MTMR3: variants seen among roughly 807,000 people sequenced by gnomAD.
The protein encoded by MTMR3 is phosphatidylinositol-3,5-bisphosphate 3-phosphatase MTMR3.
MTMR3 carries 32 observed loss-of-function variants against 132.4 expected under a neutral mutation model. The ratio of observed to expected loss-of-function variants is 0.24; its 90% CI spans 0.18 to 0.32. The LOEUF (loss-of-function observed/expected upper bound fraction) is 0.32, where lower values mean the gene tolerates loss of function less well. Ranked by LOEUF, MTMR3 falls within the 10% of genes least tolerant of loss-of-function variation. The pLI is 1.00. For synonymous variants in MTMR3, 556 were observed against 550.3 expected (o/e 1.01, Z -0.14); for missense variants, 1,216 against 1,489.6 (o/e 0.82, Z 3.02).
rs35625964 is a variant in MTMR3 at position 29,903,390 on chromosome 22, C to CTTT, written c.-138+20047_-138+20049dup. ...TGATTTTCTTTTTTTCTTTTTCTTT[C>CTTT]TTTTTTTTTTTTTTTTTTGAGACAG... On this transcript the variant is annotated intron_variant, in intron 1 of 19. Coordinates refer to ENST00000401950, the MANE Select transcript of MTMR3 (RefSeq NM_021090.4). 2.0e-3 allele frequency among the ~76,000 whole-genome samples: 245 copies of CTTT among 119,680 alleles called. 5 individuals are homozygous for CTTT. Among genetic ancestry groups the CTTT allele is most frequent in the African/African-American group, 5.9e-3 (189 of 31,864 alleles). The allele number at this position is 119,680 out of a possible 152,430, so 78.5% of individuals were successfully genotyped here.
chr22:29,970,324 T>C (rs1288738569), intron 2 of MTMR3, among the ~76,000 whole-genome samples: 1 of 152,064 alleles, frequency 6.6e-6, no homozygotes, highest in Non-Finnish European at 1.5e-5. Flanking sequence ...TGATTTTGCA[T>C]TTGCAGGTTG....
intron 2 of MTMR3, 32 bp from the exon 3 acceptor site, chr22:29,970,944 T>C: frequency 1.3e-6 from 1 of 782,738 alleles, no homozygotes; most frequent in Non-Finnish European, 1.9e-6. Flanking sequence ...TCTTTTTTTT[T>C]TCTTCTTCCC....
At chr22:29,985,975 G>A (rs1043809788) in intron 5 of MTMR3, 9 of 149,024 alleles carry the variant, frequency 6.0e-5, no homozygotes, top group African/African-American at 2.3e-4. Flanking sequence ...AGTAGCAAAG[G>A]CTAATCCATT....
intron 4 of MTMR3, 136 bp downstream of exon 4, chr22:29,978,667 A>C: frequency 1.4e-6 from 1 of 690,858 alleles, no homozygotes; most frequent in Non-Finnish European, 2.4e-6. Context: ...GCTGGAAAAC[A>C]TCTCATTTTA....
intron 1 of MTMR3, among the ~76,000 whole-genome samples, chr22:29,950,241 T>G (rs151329914): frequency 6.6e-6 from 1 of 152,376 alleles, no homozygotes; most frequent in Non-Finnish European, 1.5e-5. Flanking sequence ...TTCTAATGCT[T>G]GAATGTCTGG....
chr22:29,896,869 T>TCTCACACACACACACACACA (rs145703649), intron 1 of MTMR3, among the ~76,000 whole-genome samples: 25 of 138,220 alleles, frequency 1.8e-4, no homozygotes, highest in East Asian at 8.6e-4. Flanking sequence ...CAGGCTTGTC[T>TCTCACACACACACACACACA]CACACACACA....
chr22:29,995,173 T>G (rs1260256228), intron 7 of MTMR3: 6 of 152,316 alleles, frequency 3.9e-5, no homozygotes, highest in African/African-American at 1.4e-4. Flanking sequence ...ACTCTGGGTC[T>G]TAACACTGCT....
In MTMR3 at chr22:29,993,298, T is replaced by G. The variant is rs1234301108; in HGVS notation, c.460+1628T>G. ...GAAATGCCATCACATTTTAAATACA[T>G]TTTTTCATTTTTTATGGCTCTTTTC... On this transcript the variant is annotated intron_variant, in intron 7 of 19. Transcript: ENST00000401950. 3 of 152,226 alleles carry G rather than the reference T, an allele frequency of 2.0e-5. No homozygotes were observed. The East Asian group carries it at 5.8e-4, about 29-fold the overall frequency. 9.4% of individuals were successfully genotyped at this position (152,226 alleles called of 1,614,324 possible).
chr22:29,970,411 A>T (rs538180489), intron 2 of MTMR3, among the ~76,000 whole-genome samples: 58 of 151,438 alleles, frequency 3.8e-4, no homozygotes, highest in African/African-American at 1.4e-3. Flanking sequence ...ACAGCATACT[A>T]CAGCCCCAAC....
chr22:29,987,848 G>C (rs1034337981), intron 5 of MTMR3: 1 of 152,184 alleles, frequency 6.6e-6, no homozygotes, highest in Non-Finnish European at 1.5e-5. Flanking sequence ...TATAGCTTTA[G>C]CATCCTTGAT....
At chr22:29,915,751 A>T (rs963693864) in intron 1 of MTMR3, among the ~76,000 whole-genome samples, 4 of 152,152 alleles carry the variant, frequency 2.6e-5, no homozygotes, top group African/African-American at 9.6e-5. Context: ...TGTTGTTATT[A>T]AATGATGGGT....
chr22:29,908,935 C>T (rs1225327590), intron 1 of MTMR3, among the ~76,000 whole-genome samples: 3 of 150,612 alleles, frequency 2.0e-5, no homozygotes, highest in Non-Finnish European at 4.4e-5. Context: ...GTTAAGAGTG[C>T]TTTTATTTAT....
At position 30,020,434 on chromosome 22, in the gene MTMR3, G is replaced by A. The variant is rs1430792414; in HGVS notation, c.2775G>A (p.Gly925=). The stretch of plus-strand genomic sequence containing the variant: ...TGCCTTTAGCCGAATGTAAAGAGGG[G>A]CTTGTGTGCAATGGTGCCCCAGAGA... ...CALPLAECKE[G]LVCNGAPETE... The change falls in exon 17 of 20, where the codon GGG becomes GGA. Residue 925 remains glycine, a synonymous_variant. Transcript: ENST00000401950. The A allele has an allele frequency of 6.2e-7, 1 of 1,614,198 alleles. No individual in the cohort carries two copies. The highest frequency in any genetic ancestry group is 1.7e-5 in the Admixed American group (1 of 60,018).
At chr22:30,003,987 G>A (rs1393464017) in intron 9 of MTMR3, 1 of 152,166 alleles carries the variant, frequency 6.6e-6, no homozygotes, top group Non-Finnish European at 1.5e-5. Flanking sequence ...GAGATTGTAG[G>A]AAGGGATTTG....
Position 29,982,937 on chromosome 22 carries a change from T to TTTTTTTTTTTTTTGTG in MTMR3, c.210+3886_210+3887insTTTTTTTTTTTTGTGT, listed in dbSNP as rs752531735. On this transcript the variant is annotated intron_variant, in intron 5 of 19. Transcript: ENST00000401950. ...AATTCATGAACGTTTAAAAGTTTGT[T>TTTTTTTTTTTTTTGTG]TGTGTGTGTGTGTGTGTGTGTGTGT... is the stretch of plus-strand genomic sequence containing the variant. 240 of 146,364 alleles carry TTTTTTTTTTTTTTGTG rather than the reference T, an allele frequency of 1.6e-3. 1 individual carries two copies. Among genetic ancestry groups the TTTTTTTTTTTTTTGTG allele is most frequent in the African/African-American group, 5.7e-3 (224 of 39,066 alleles). The allele number at this position is 146,364 out of a possible 1,614,324, so 9.1% of individuals were successfully genotyped here. A position where few individuals can be genotyped will look rare whatever the true frequency, so the allele number is the denominator to read the frequency against.
chr22:29,914,608 A>AT (rs984084431), intron 1 of MTMR3, among the ~76,000 whole-genome samples: 12 of 148,964 alleles, frequency 8.1e-5, no homozygotes, highest in Non-Finnish European at 1.2e-4. Context: ...GTAGTCAGTT[A>AT]TTTTTTTTTT....
At chr22:30,012,969 A>G (rs1012599737) in intron 13 of MTMR3, 10 of 192,524 alleles carry the variant, frequency 5.2e-5, no homozygotes, top group African/African-American at 2.3e-4. Context: ...GTACCCTAAA[A>G]TATATGCAAG....
At position 30,025,949 on chromosome 22, in the gene MTMR3, T is replaced by C; in HGVS notation, c.*148T>C. The C allele has an allele frequency of 2.8e-6, 2 of 708,890 alleles. No homozygotes were observed. Among genetic ancestry groups the C allele is most frequent in the Non-Finnish European group, 4.6e-6 (2 of 436,210 alleles). The allele number at this position is 708,890 out of a possible 1,614,324, so 43.9% of individuals were successfully genotyped here. A position where few individuals can be genotyped will look rare whatever the true frequency, so the allele number is the denominator to read the frequency against. On this transcript the variant is annotated 3_prime_UTR_variant, in exon 20 of 20. Transcript: ENST00000401950. ...ACAGATTTGGGATGCACCACTGGAT[T>C]GTAGATTGATTTTTCTTTCCTGTCC...
At chr22:29,974,785 A>C (rs376776775) in intron 3 of MTMR3, among the ~76,000 whole-genome samples, 1 of 152,246 alleles carries the variant, frequency 6.6e-6, no homozygotes, top group East Asian at 1.9e-4. Context: ...TACACAGAAT[A>C]AAAGTCTAGG....
Sources: gnomAD v4.1 joint callset for allele counts (sites outside exome capture counted in the v4.1 genomes callset) on GRCh38, gnomAD v4.1.1 for gene constraint, MANE v1.5 for transcripts, NCBI Gene and HGNC (gene_info 2026-07-23, HGNC 2026-07-21) for gene names.